The following ANK2 variants were observed in gnomAD, a reference collection of about 807,000 sequenced individuals.
ANK2 encodes the protein ankyrin 2, also known as ankyrin-2.
In ANK2, 83 loss-of-function variants were observed where a neutral mutation model predicts 360.5. That is an observed-to-expected ratio of 0.23 (90% CI 0.19 to 0.28). ANK2 has a LOEUF of 0.28. ANK2 is among the 10% of genes least tolerant of loss of function. The pLI, the probability that ANK2 is intolerant of heterozygous loss-of-function variation, is 1.00. For synonymous variants in ANK2, 1,740 were observed against 1,759.5 expected (o/e 0.99, Z 0.28); for missense variants, 4,201 against 4,795.7 (o/e 0.88, Z 3.66).
At chr4:113,226,853 G>A (rs78008166) in intron 4 of ANK2, among the ~76,000 whole-genome samples, 4,274 of 152,296 alleles carry the variant, frequency 0.028, 103 homozygotes, top group East Asian at 0.067. Flanking sequence ...AACTGGTAAT[G>A]CTGTACTTAT....
the ANK2 span, chr4:112,738,797 C>A: frequency 1.6e-6 from 1 of 623,404 alleles, no homozygotes; most frequent in Non-Finnish European, 3.0e-6. Context: ...GAGGTATTGA[C>A]AACAGGGTTC....
chr4:113,355,177 T>G lies in ANK2; in HGVS notation c.6559T>G (p.Phe2187Val). 1 of 1,614,110 alleles carries G rather than the reference T, an allele frequency of 6.2e-7. No homozygotes were observed. Among genetic ancestry groups the G allele is most frequent in the Non-Finnish European group, 8.5e-7 (1 of 1,179,972 alleles). ...TFPLDYMKDEFLPALSLQSGA... is the reference protein window; with the variant it reads ...TFPLDYMKDEVLPALSLQSGA... The stretch of plus-strand genomic sequence containing the variant: ...TCCACTCGACTACATGAAAGATGAG[T>G]TCCTTCCAGCTCTGTCTTTACAAAG... Residue 2187 changes from phenylalanine to valine, a missense_variant, in exon 38 of 46, where the codon TTC becomes GTC. By Grantham distance (50) the Phe-to-Val change is conservative. This residue lies in a region of ANK2 where 2,642 missense variants were observed against 2,714.5 expected (regional missense o/e 0.97). Transcript: ENST00000357077.
Position 113,282,689 on chromosome 4 carries a change from G to C in ANK2, c.1896G>C (p.Pro632=). The C allele has an allele frequency of 6.2e-7, 1 of 1,612,532 alleles. No individual in the cohort carries two copies. Among genetic ancestry groups the C allele is most frequent in the Non-Finnish European group, 8.5e-7 (1 of 1,179,140 alleles). ...PHATAKNGYT[P]LHIAAKKNQM... ...GTTCTTTTTAGAATGGCTATACTCC[G>C]TTACATATTGCTGCCAAGAAGAATC... The change falls in exon 18 of 46, where the codon CCG becomes CCC. Residue 632 remains proline (P), a synonymous_variant. Coordinates refer to ENST00000357077, the MANE Select transcript of ANK2 (RefSeq NM_001148.6).
chr4:112,873,058 T>A (rs2073810030), intron 1 of ANK2, among the ~76,000 whole-genome samples: 1 of 152,104 alleles, frequency 6.6e-6, no homozygotes, highest in Admixed American at 6.5e-5. Flanking sequence ...GTGAGATTGG[T>A]AGTAATATTT....
At chr4:112,831,177 G>A (rs1349929668) in intron 1 of ANK2, among the ~76,000 whole-genome samples, 1 of 152,250 alleles carries the variant, frequency 6.6e-6, no homozygotes, top group Admixed American at 6.5e-5. Flanking sequence ...ACTGCCCAAG[G>A]GCTGAGGAGT....
At chr4:113,004,717 G>A (rs2052138072) in intron 2 of ANK2, among the ~76,000 whole-genome samples, 1 of 152,112 alleles carries the variant, frequency 6.6e-6, no homozygotes, top group Non-Finnish European at 1.5e-5. Context: ...TTTATATACT[G>A]TACCTAATTG....
chr4:113,123,229 G>A (rs933588065), intron 1 of ANK2, among the ~76,000 whole-genome samples: 7 of 151,354 alleles, frequency 4.6e-5, no homozygotes, highest in African/African-American at 1.5e-4. Flanking sequence ...TAATTCTTTC[G>A]TTACCTTTAT....
chr4:112,738,412 C>CAA, the ANK2 span, among the ~76,000 whole-genome samples: 47 of 50,698 alleles, frequency 9.3e-4, no homozygotes, highest in East Asian at 1.9e-3. Flanking sequence ...GAGTCTGTCT[C>CAA]AAAAAAAAAA....
intron 1 of ANK2, among the ~76,000 whole-genome samples, chr4:113,155,951 T>C (rs939228589): frequency 7.9e-5 from 12 of 152,232 alleles, no homozygotes; most frequent in African/African-American, 2.7e-4. Flanking sequence ...TATGATTGTG[T>C]TGAGGTGGTC....
chr4:113,023,028 A>G (rs1027457971), intron 2 of ANK2, among the ~76,000 whole-genome samples: 4 of 152,160 alleles, frequency 2.6e-5, no homozygotes, highest in African/African-American at 9.7e-5. Flanking sequence ...TGTGGGACCT[A>G]ATACCTAGGT....
chr4:113,163,992 C>T (rs957422930), intron 1 of ANK2, among the ~76,000 whole-genome samples: 5 of 152,110 alleles, frequency 3.3e-5, no homozygotes, highest in African/African-American at 1.2e-4. Context: ...CCCCCTTGTC[C>T]TCCCCATGGC....
chr4:113,145,439 G>A (rs1310988814), intron 1 of ANK2, among the ~76,000 whole-genome samples: 4 of 152,158 alleles, frequency 2.6e-5, no homozygotes, highest in Non-Finnish European at 5.9e-5. Context: ...GGCATTCATT[G>A]AGTAATGCAA....
chr4:112,957,593 G>A lies in ANK2; in HGVS notation c.21+53079G>A, dbSNP rs372232448. Among the ~76,000 whole-genome samples, 1,267 of 151,928 alleles carry A rather than the reference G, an allele frequency of 8.3e-3. 6 individuals are homozygous for A. Among genetic ancestry groups the A allele is most frequent in the African/African-American group, 0.028 (1,174 of 41,446 alleles). ...TCCTCACTTCCCAGTAGGGGCGGCCGGGCAGAGGCGCCCCTCACCTCCCGG... is the reference window on the plus strand; with the variant it reads ...TCCTCACTTCCCAGTAGGGGCGGCCAGGCAGAGGCGCCCCTCACCTCCCGG... On this transcript the variant is annotated intron_variant, in intron 2 of 30. Coordinates refer to the ANK2 transcript ENST00000503271.
intron 2 of ANK2, among the ~76,000 whole-genome samples, chr4:113,007,951 G>A (rs1208018777): frequency 1.3e-5 from 2 of 152,042 alleles, no homozygotes; most frequent in Non-Finnish European, 2.9e-5. Flanking sequence ...CCAAACTAGT[G>A]AACTCAAGCA....
At chr4:112,843,923 T>C (rs1169544510) in intron 1 of ANK2, among the ~76,000 whole-genome samples, 2 of 152,174 alleles carry the variant, frequency 1.3e-5, no homozygotes, top group Non-Finnish European at 2.9e-5. Flanking sequence ...TTTAAAGCAA[T>C]TGACTCTCAA....
chr4:112,730,669 A>G, the ANK2 span, among the ~76,000 whole-genome samples: 9 of 150,812 alleles, frequency 6.0e-5, no homozygotes, highest in African/African-American at 2.2e-4. Context: ...GAAAGAAAAC[A>G]AAATTACTAG....
intron 23 of ANK2, among the ~76,000 whole-genome samples, chr4:113,308,428 G>C (rs1163030892): frequency 6.6e-6 from 1 of 152,162 alleles, no homozygotes; most frequent in East Asian, 1.9e-4. Context: ...TCATGAGAGA[G>C]GTCTGGGACC....
chr4:113,158,447 A>G (rs1451834447), intron 1 of ANK2, among the ~76,000 whole-genome samples: 1 of 152,188 alleles, frequency 6.6e-6, no homozygotes, highest in African/African-American at 2.4e-5. Flanking sequence ...TATGAAAAAG[A>G]TGTTATCAGT....
At chr4:113,097,598 C>T (rs923814839) in intron 1 of ANK2, among the ~76,000 whole-genome samples, 1 of 151,956 alleles carries the variant, frequency 6.6e-6, no homozygotes. Flanking sequence ...TTTCAGGAAG[C>T]ACTGTATAAA....
Sources: allele counts gnomAD v4.1 joint callset (sites outside exome capture counted in the v4.1 genomes callset), GRCh38; gene constraint gnomAD v4.1.1; regional missense constraint gnomAD v4.1.1; transcripts MANE v1.5; gene names NCBI Gene and HGNC (gene_info 2026-07-23, HGNC 2026-07-21).